Variants in PLA1A observed in about 807,000 individuals in gnomAD.
The protein encoded by PLA1A is phospholipase A1 member A.
In PLA1A, 47 loss-of-function variants were observed where a neutral mutation model predicts 49.4. The ratio of observed to expected loss-of-function variants is 0.95; its 90% CI spans 0.75 to 1.21. PLA1A has a LOEUF of 1.21. PLA1A is among the 50% of genes most tolerant of loss of function. The probability of loss-of-function intolerance (pLI) is 0.00; values close to 1 mark genes in which losing one functional copy is unlikely to be tolerated. For synonymous variants in PLA1A, 224 were observed against 207.9 expected, an observed-to-expected ratio of 1.08 and a Z score of -0.67; for missense variants, 561 against 563.9, an observed-to-expected ratio of 0.99 and a Z score of 0.05.
intron 8 of PLA1A, 53 bp from the exon 9 acceptor site, chr3:119,625,071 C>A: frequency 8.8e-7 from 1 of 1,132,464 alleles, no homozygotes; most frequent in Non-Finnish European, 1.3e-6. Context: ...GGGGTTTTTG[C>A]CCATTGCACC....
chr3:119,620,999 G>A (rs139617178), intron 8 of PLA1A, among the ~76,000 whole-genome samples: 102 of 152,270 alleles, frequency 6.7e-4, no homozygotes, highest in African/African-American at 2.1e-3. Flanking sequence ...CCTGCTGTCC[G>A]CAGGCCGTAC....
At chr3:119,616,490 T>C (rs2082850098) in intron 6 of PLA1A, among the ~76,000 whole-genome samples, 1 of 152,248 alleles carries the variant, frequency 6.6e-6, no homozygotes, top group African/African-American at 2.4e-5. Flanking sequence ...ACATTTCCTC[T>C]CTTTAAATAC....
In PLA1A at chr3:119,609,520, C is replaced by T. The variant is rs2107783867; in HGVS notation, c.506C>T (p.Ala169Val). Residue 169 changes from alanine to valine, a missense_variant, in exon 4 of 11, where the codon GCC (alanine) becomes GTC (valine). Coordinates refer to ENST00000273371, the MANE Select transcript of PLA1A (RefSeq NM_015900.4). ...SIHIIGVSLG[A>V]HVGGMVGQLF... ...CACATCATTGGTGTTAGCCTGGGGG[C>T]CCACGTTGGGGGCATGGTGGGACAG... 6.2e-7 allele frequency: 1 copy of T among 1,613,192 alleles called. No homozygotes were observed. Among genetic ancestry groups the T allele is most frequent in the Non-Finnish European group, 8.5e-7 (1 of 1,179,252 alleles).
chr3:119,609,369 C>T lies in PLA1A; in HGVS notation c.454-99C>T, dbSNP rs1335560321. On this transcript the variant is annotated intron_variant, in intron 3 of 10. Coordinates refer to ENST00000273371, the MANE Select transcript of PLA1A (RefSeq NM_015900.4). ...AAGTAAGTGTGGTGGGTGTGTCATG[C>T]CCAGGGCCTCGGCTTCTGAAGCTTT... is the stretch of plus-strand genomic sequence containing the variant. The T allele has an allele frequency of 2.0e-5, 16 of 806,974 alleles. 1 individual carries two copies. Among genetic ancestry groups the T allele is most frequent in the South Asian group, 1.9e-4 (14 of 74,574 alleles). 50.0% of individuals were successfully genotyped at this position (806,974 alleles called of 1,614,324 possible).
At chr3:119,612,613 C>T (rs909671575) in intron 4 of PLA1A, among the ~76,000 whole-genome samples, 8 of 152,026 alleles carry the variant, frequency 5.3e-5, no homozygotes, top group East Asian at 3.9e-4. Flanking sequence ...CTCAGCCTCC[C>T]GAGTCGCTGG....
intron 5 of PLA1A, among the ~76,000 whole-genome samples, chr3:119,614,545 G>A (rs1422613658): frequency 6.1e-5 from 9 of 146,756 alleles, no homozygotes; most frequent in Admixed American, 5.5e-4. Context: ...GGCAGAGCTT[G>A]CAGTGAGCGG....
At chr3:119,625,931 A>G (rs567248858) in intron 9 of PLA1A, among the ~76,000 whole-genome samples, 1 of 152,300 alleles carries the variant, frequency 6.6e-6, no homozygotes, top group South Asian at 2.1e-4. Context: ...GCAACCGGTT[A>G]GTTATTCACA....
At chr3:119,620,049 T>G (rs959794056) in intron 8 of PLA1A, 1 of 459,988 alleles carries the variant, frequency 2.2e-6, no homozygotes, top group Non-Finnish European at 4.4e-6. Context: ...ACTGAACCTT[T>G]CCCTCTGGTC....
Position 119,609,341 on chromosome 3 carries a change from C to G in PLA1A, c.454-127C>G, listed in dbSNP as rs139880894. The stretch of plus-strand genomic sequence containing the variant: ...AATGAGAGTGCTGTCCTTTTTCCCT[C>G]CAAAGTAAGTGTGGTGGGTGTGTCA... On this transcript the variant is annotated intron_variant, in intron 3 of 10. Transcript: ENST00000273371. 6.6e-5 allele frequency: 51 copies of G among 767,732 alleles called. No homozygotes were observed. The African/African-American group carries it at 6.8e-4, about 10-fold the overall frequency. 47.6% of individuals were successfully genotyped at this position (767,732 alleles called of 1,614,324 possible). A position where few individuals can be genotyped will look rare whatever the true frequency, so the allele number is the denominator to read the frequency against.
At position 119,629,739 on chromosome 3, in the gene PLA1A, G is replaced by T. The variant is rs12023; in HGVS notation, c.*271G>T. The T allele has an allele frequency of 0.25, 103,523 of 406,006 alleles. 14,213 individuals carry two copies. Among genetic ancestry groups the T allele is most frequent in the East Asian group, 0.39 (10,774 of 27,676 alleles). The allele number at this position is 406,006 out of a possible 1,614,324, so 25.2% of individuals were successfully genotyped here. On this transcript the variant is annotated 3_prime_UTR_variant, in exon 11 of 11. Transcript: ENST00000273371. ...ACTTGCTTTATCTCCTTGGGCATTC[G>T]TACTTAGGATTCAATAGAAACATGT...
intron 4 of PLA1A, among the ~76,000 whole-genome samples, chr3:119,612,584 G>A (rs1245329527): frequency 6.6e-6 from 1 of 151,892 alleles, no homozygotes; most frequent in Non-Finnish European, 1.5e-5. Flanking sequence ...TGTCTCCCGG[G>A]TTCACGCCAT....
intron 8 of PLA1A, 148 bp from the exon 9 acceptor site, chr3:119,624,976 G>A (rs2052496354): frequency 1.7e-6 from 1 of 582,100 alleles, no homozygotes; most frequent in Non-Finnish European, 3.1e-6. Context: ...AGGAAACTGA[G>A]GACCTGAGAT....
At chr3:119,615,799 G>A (rs937475770) in intron 5 of PLA1A, among the ~76,000 whole-genome samples, 4 of 151,436 alleles carry the variant, frequency 2.6e-5, no homozygotes, top group South Asian at 2.1e-4. Flanking sequence ...TGACAAGAGC[G>A]AGAGAGCGAA....
At chr3:119,611,114 G>A (rs1235435745) in intron 4 of PLA1A, among the ~76,000 whole-genome samples, 1 of 152,108 alleles carries the variant, frequency 6.6e-6, no homozygotes, top group African/African-American at 2.4e-5. Flanking sequence ...TTTGTCAAAG[G>A]TCTGACGGCT....
At chr3:119,601,785 G>T (rs751197036) in intron 1 of PLA1A, among the ~76,000 whole-genome samples, 6 of 152,148 alleles carry the variant, frequency 3.9e-5, no homozygotes, top group Non-Finnish European at 8.8e-5. Flanking sequence ...GTTCTAAATG[G>T]AATACTTCTA....
chr3:119,617,843 G>GA (rs1465975709), intron 6 of PLA1A, among the ~76,000 whole-genome samples, 176 bp from the exon 7 acceptor site: 5 of 152,134 alleles, frequency 3.3e-5, no homozygotes, highest in Non-Finnish European at 5.9e-5. Flanking sequence ...AAAGTAAAAT[G>GA]AAAAAAGTAG....
chr3:119,606,165 G>A (rs868019367), intron 1 of PLA1A, among the ~76,000 whole-genome samples: 1 of 152,240 alleles, frequency 6.6e-6, no homozygotes, highest in Middle Eastern at 3.2e-3. Flanking sequence ...CAATGGAAAT[G>A]TATTGCCTCA....
chr3:119,625,206 C>T lies in PLA1A; in HGVS notation c.1095C>T (p.Asn365=), dbSNP rs1560088646. The T allele has an allele frequency of 6.2e-7, 1 of 1,611,432 alleles. No individual in the cohort carries two copies. ...TCGAGGTTACCTTCCTTAGCAGTAA[C>T]ATCACCTCTTCATCTAAGATCACCA... ...TNIEVTFLSS[N]ITSSSKITIP... The change falls in exon 9 of 11, where the codon AAC becomes AAT. Residue 365 remains asparagine, a synonymous_variant. Transcript: ENST00000273371.
chr3:119,604,347 AC>A (rs1359534690), intron 1 of PLA1A, among the ~76,000 whole-genome samples: 1 of 152,196 alleles, frequency 6.6e-6, no homozygotes, highest in Non-Finnish European at 1.5e-5. Flanking sequence ...AAGATATAGA[AC>A]CAACCTAAGA....
Sources: allele counts gnomAD v4.1 joint callset (sites outside exome capture counted in the v4.1 genomes callset), GRCh38; gene constraint gnomAD v4.1.1; transcripts MANE v1.5; gene names NCBI Gene and HGNC (gene_info 2026-07-23, HGNC 2026-07-21).